The following CLIC5 variants were observed in gnomAD, a reference collection of about 807,000 sequenced individuals.
The protein encoded by CLIC5 is chloride intracellular channel protein 5.
A neutral mutation model predicts 24.7 loss-of-function variants in CLIC5; 20 were observed. The ratio of observed to expected loss-of-function variants is 0.81; its 90% confidence interval spans 0.57 to 1.18. CLIC5 has a LOEUF of 1.18. Ranked by LOEUF, CLIC5 falls within the 50% of genes most tolerant of loss-of-function variation. CLIC5 has a pLI of 0.00. For synonymous variants in CLIC5, 159 were observed against 135.6 expected, an observed-to-expected ratio of 1.17 and a Z score of -1.20; for missense variants, 341 against 326.1, an observed-to-expected ratio of 1.05 and a Z score of -0.35.
Position 45,914,263 on chromosome 6 carries a change from C to G in CLIC5, c.553G>C (p.Asp185His). The change falls in exon 5 of 6, where the codon GAC becomes CAC. Residue 185 changes from aspartate to histidine, a missense_variant. By Grantham distance (81) the Asp-to-His change is moderately conservative. Coordinates refer to ENST00000339561, the MANE Select transcript of CLIC5 (RefSeq NM_016929.5). ...FLDGDELTLA[D>H]CNLLPKLHVV... ...TGGAGCTTGGGCAACAGATTGCAGTCAGCCAGGGTCAGCTCATCCCCATCC... is the reference window on the plus strand; with the variant it reads ...TGGAGCTTGGGCAACAGATTGCAGTGAGCCAGGGTCAGCTCATCCCCATCC... 6.2e-7 allele frequency: 1 copy of G among 1,605,686 alleles called. No homozygotes were observed. Among genetic ancestry groups the G allele is most frequent in the Non-Finnish European group, 8.5e-7 (1 of 1,174,014 alleles).
At chr6:46,025,894 C>T (rs574414946) in intron 1 of CLIC5, among the ~76,000 whole-genome samples, 135 of 152,226 alleles carry the variant, frequency 8.9e-4, no homozygotes, top group Non-Finnish European at 1.5e-3. Flanking sequence ...TCTCTCCTCC[C>T]GCCAAGTAAG....
chr6:46,061,408 G>T (rs954498202), intron 1 of CLIC5, among the ~76,000 whole-genome samples: 2 of 152,200 alleles, frequency 1.3e-5, no homozygotes, highest in African/African-American at 4.8e-5. Flanking sequence ...GGCCAGGATG[G>T]TCTCGATCTC....
chr6:45,973,678 C>A (rs1355036501), intron 1 of CLIC5, among the ~76,000 whole-genome samples: 2 of 152,200 alleles, frequency 1.3e-5, no homozygotes, highest in Non-Finnish European at 2.9e-5. Flanking sequence ...GTGGCCCATG[C>A]CTGTAATCCC....
In CLIC5 at chr6:45,955,188, C is replaced by T; in HGVS notation, c.120G>A (p.Met40Ile). Residue 40 changes from methionine to isoleucine, a missense_variant, in exon 2 of 6, where the codon ATG becomes ATA. Met to Ile is a conservative substitution (Grantham distance 10). Coordinates refer to ENST00000339561, the MANE Select transcript of CLIC5 (RefSeq NM_016929.5). ...GNCPFSQRLF[M>I]ILWLKGVVFN... ...ACACGACTCCTTTCAGCCAGAGGAT[C>T]ATGAAGAGGCGCTGAGAGAAAGGAC... The T allele has an allele frequency of 6.2e-7, 1 of 1,614,072 alleles. No homozygotes were observed. The highest frequency in any genetic ancestry group is 8.5e-7 in the Non-Finnish European group (1 of 1,179,948).
At chr6:46,057,387 C>T (rs925840157) in intron 1 of CLIC5, among the ~76,000 whole-genome samples, 2 of 152,190 alleles carry the variant, frequency 1.3e-5, no homozygotes, top group African/African-American at 4.8e-5. Context: ...GTGCTTTTCT[C>T]CTCTTGCCGT....
chr6:45,951,171 T>A (rs903533475), intron 2 of CLIC5, among the ~76,000 whole-genome samples: 2 of 152,158 alleles, frequency 1.3e-5, no homozygotes, highest in African/African-American at 2.4e-5. Context: ...AGCTCTTTGG[T>A]GTGCCTGTTA....
chr6:46,042,227 G>C (rs1307229421), intron 1 of CLIC5, among the ~76,000 whole-genome samples: 1 of 152,034 alleles, frequency 6.6e-6, no homozygotes, highest in Non-Finnish European at 1.5e-5. Flanking sequence ...TAAATATTCT[G>C]AACAGTTTCT....
upstream of CLIC5, among the ~76,000 whole-genome samples, chr6:46,084,530 T>A (rs1762989580): frequency 6.6e-6 from 1 of 152,222 alleles, no homozygotes; most frequent in African/African-American, 2.4e-5. Flanking sequence ...CCTTCACTTG[T>A]GAAGCTTAGT....
chr6:46,117,217 C>T, the CLIC5 span, among the ~76,000 whole-genome samples: 1 of 152,140 alleles, frequency 6.6e-6, no homozygotes, highest in South Asian at 2.1e-4. Flanking sequence ...CCATGTAACA[C>T]ACCAGGATAC....
At chr6:45,947,357 T>C (rs78694697) in intron 3 of CLIC5, among the ~76,000 whole-genome samples, 5,103 of 152,200 alleles carry the variant, frequency 0.034, 200 homozygotes, top group African/African-American at 0.087. Context: ...GGAGATATCC[T>C]GTCACAGAGA....
chr6:45,901,015 G>C lies in CLIC5; in HGVS notation c.*2073C>G, dbSNP rs1255693026. 1 of 152,160 alleles carries C rather than the reference G, an allele frequency of 6.6e-6. No individual in the cohort carries two copies. Among genetic ancestry groups the C allele is most frequent in the South Asian group, 2.1e-4 (1 of 4,824 alleles). 9.4% of individuals were successfully genotyped at this position (152,160 alleles called of 1,614,324 possible). The stretch of plus-strand genomic sequence containing the variant: ...GTGTTTCCAGAACAGCCCAACTGTG[G>C]GTCTCAGGGAAGTAAACTGCCTCTT... On this transcript the variant is annotated 3_prime_UTR_variant, in exon 6 of 6. Coordinates refer to ENST00000339561, the MANE Select transcript of CLIC5 (RefSeq NM_016929.5).
the CLIC5 span, among the ~76,000 whole-genome samples, chr6:46,105,735 G>A: frequency 6.6e-6 from 1 of 152,154 alleles, no homozygotes; most frequent in Non-Finnish European, 1.5e-5. Flanking sequence ...TCTGTTACCT[G>A]ATCTCTTTGG....
rs1762927725 is a variant in CLIC5, at chr6:45,914,234, C to T, written c.582G>A (p.Val194=). The T allele has an allele frequency of 5.7e-6, 9 of 1,591,372 alleles. No individual in the cohort carries two copies. Among genetic ancestry groups the T allele is most frequent in the Admixed American group, 1.7e-5 (1 of 58,850 alleles). The change falls in exon 5 of 6, where the codon GTG becomes GTA. Residue 194 remains valine, a synonymous_variant. Coordinates refer to ENST00000339561, the MANE Select transcript of CLIC5 (RefSeq NM_016929.5). The part of the protein sequence containing the change: ...ADCNLLPKLH[V]VKIVAKKYRN... ...GTGGGTAGAGCTCTCTTACCTTGAC[C>T]ACATGGAGCTTGGGCAACAGATTGC... is the stretch of plus-strand genomic sequence containing the variant.
the CLIC5 span, chr6:46,123,259 C>T: frequency 6.6e-6 from 1 of 152,122 alleles, no homozygotes; most frequent in South Asian, 2.1e-4. Flanking sequence ...TCATCCCTGG[C>T]ATGCAAGGCT....
chr6:45,965,160 G>C (rs907303491), intron 1 of CLIC5, among the ~76,000 whole-genome samples: 1 of 152,184 alleles, frequency 6.6e-6, no homozygotes, highest in Non-Finnish European at 1.5e-5. Context: ...TACAGCTATT[G>C]TTCATTGGCC....
chr6:45,910,344 C>G (rs548383506), intron 5 of CLIC5, among the ~76,000 whole-genome samples: 1 of 152,174 alleles, frequency 6.6e-6, no homozygotes, highest in Non-Finnish European at 1.5e-5. Context: ...CTATTATATT[C>G]CCATTTACAG....
chr6:46,067,343 G>T (rs1047421253), intron 1 of CLIC5, among the ~76,000 whole-genome samples: 1 of 151,884 alleles, frequency 6.6e-6, no homozygotes, highest in African/African-American at 2.4e-5. Context: ...GACCCCCACC[G>T]ACTAGTCTAA....
chr6:46,079,921 C>G, exon 1 of CLIC5: 3 of 1,551,836 alleles, frequency 1.9e-6, no homozygotes, highest in Non-Finnish European at 2.6e-6. Flanking sequence ...TATAACCCTT[C>G]CATTGAGATG....
chr6:46,116,851 C>A, the CLIC5 span, among the ~76,000 whole-genome samples: 1 of 152,182 alleles, frequency 6.6e-6, no homozygotes, highest in African/African-American at 2.4e-5. Context: ...TCCACTGCTC[C>A]TGCATCCACT....
Sources: gnomAD v4.1 joint callset for allele counts (sites outside exome capture counted in the v4.1 genomes callset) on GRCh38, gnomAD v4.1.1 for gene constraint, MANE v1.5 for transcripts, NCBI Gene and HGNC (gene_info 2026-07-23, HGNC 2026-07-21) for gene names.